The following PRPH2 variants were observed in gnomAD, a reference collection of about 807,000 sequenced individuals.
The protein encoded by PRPH2 is peripherin 2.
PRPH2 carries 17 observed loss-of-function variants against 31.3 expected under a neutral mutation model. The ratio of observed to expected loss-of-function variants is 0.54; its 90% confidence interval spans 0.37 to 0.81. PRPH2 has a LOEUF of 0.81. Ranked by LOEUF, PRPH2 falls within the 40% of genes least tolerant of loss-of-function variation. PRPH2 has a pLI of 0.00. For synonymous variants in PRPH2, 165 were observed against 184.4 expected (o/e 0.89, Z 0.85); for missense variants, 430 against 439.7 (o/e 0.98, Z 0.20).
At chr6:42,711,869 T>C in intron 1 of PRPH2, 1 of 985,350 alleles carries the variant, frequency 1.0e-6, no homozygotes, top group Non-Finnish European at 1.2e-6. Flanking sequence ...AGTTCCTGGT[T>C]CCAAAATGTC....
Position 42,698,034 on chromosome 6 carries a change from G to A in PRPH2, c.*261C>T. 1 of 510,996 alleles carries A rather than the reference G, an allele frequency of 2.0e-6. No homozygotes were observed. The highest frequency in any genetic ancestry group is 2.1e-5 in the South Asian group (1 of 46,708). 31.7% of individuals were successfully genotyped at this position (510,996 alleles called of 1,614,324 possible). On this transcript the variant is annotated 3_prime_UTR_variant, in exon 3 of 3. Transcript: ENST00000230381. ...AGACAGCCCCCGAGTCACCAGGAGG[G>A]CATATCCTAGGGCAGCGGGCCTGAA...
intron 1 of PRPH2, among the ~76,000 whole-genome samples, chr6:42,719,255 G>A (rs1174332905): frequency 5.4e-5 from 8 of 147,542 alleles, no homozygotes; most frequent in Admixed American, 2.8e-4. Context: ...TGCAACCCCC[G>A]CCTCCCTGCT....
At chr6:42,706,177 G>A (rs1262947271) in intron 1 of PRPH2, among the ~76,000 whole-genome samples, 5 of 150,438 alleles carry the variant, frequency 3.3e-5, no homozygotes, top group Admixed American at 1.3e-4. Flanking sequence ...AGGCTGAGGC[G>A]GGTGGATCAC....
At chr6:42,705,008 A>G (rs1193430697) in intron 1 of PRPH2, among the ~76,000 whole-genome samples, 2 of 152,090 alleles carry the variant, frequency 1.3e-5, no homozygotes, top group Non-Finnish European at 2.9e-5. Context: ...CACCAACCTC[A>G]TCTCCCCCTT....
chr6:42,719,319 G>GTA (rs1761852726), intron 1 of PRPH2, among the ~76,000 whole-genome samples: 1 of 151,822 alleles, frequency 6.6e-6, no homozygotes, highest in Admixed American at 6.6e-5. Context: ...TGAGATTACA[G>GTA]GCATGCCACC....
intron 1 of PRPH2, among the ~76,000 whole-genome samples, chr6:42,710,597 G>A (rs1203604902): frequency 6.6e-6 from 1 of 152,164 alleles, no homozygotes; most frequent in East Asian, 1.9e-4. Context: ...ATCACAGCGT[G>A]TTTCCCAGGC....
In PRPH2 at chr6:42,722,135, A is replaced by G; in HGVS notation, c.200T>C (p.Met67Thr). The change falls in exon 1 of 3, where the codon ATG (methionine) becomes ACG (threonine). Residue 67 changes from methionine to threonine, a missense_variant. Met to Thr is a moderately conservative substitution (Grantham distance 81). Coordinates refer to ENST00000230381, the MANE Select transcript of PRPH2 (RefSeq NM_000322.5). This position sits in a 1 kb window ranked among gnomAD's most constrained non-coding sequence, Gnocchi z 4.4. ...SHFVPNSLIGMGVLSCVFNSL... is the reference protein window; with the variant it reads ...SHFVPNSLIGTGVLSCVFNSL... ...GTTGAAGACACAGGATAGCACCCCC[A>G]TCCCTATCAATGAGTTGGGCACAAA... 3.1e-6 allele frequency: 5 copies of G among 1,614,176 alleles called. No individual in the cohort carries two copies. In the South Asian group the frequency reaches 5.5e-5, roughly 18 times the overall value.
At chr6:42,705,797 A>G (rs1800152956) in intron 1 of PRPH2, among the ~76,000 whole-genome samples, 1 of 149,914 alleles carries the variant, frequency 6.7e-6, no homozygotes, top group African/African-American at 2.4e-5. Flanking sequence ...CGTCTCTACT[A>G]AAAATACAAA....
intron 2 of PRPH2, among the ~76,000 whole-genome samples, chr6:42,704,029 G>T (rs1176263585): frequency 1.3e-5 from 2 of 152,012 alleles, no homozygotes; most frequent in African/African-American, 4.8e-5. Flanking sequence ...GAACCCAGGA[G>T]AGGGAGGTTG....
At chr6:42,720,105 T>C (rs889142782) in intron 1 of PRPH2, among the ~76,000 whole-genome samples, 2 of 152,152 alleles carry the variant, frequency 1.3e-5, no homozygotes, top group Non-Finnish European at 2.9e-5. Flanking sequence ...AACAAGTTGG[T>C]ATGGGACATT....
At chr6:42,704,296 G>GC in intron 2 of PRPH2, 69 bp downstream of exon 2, 1 of 1,559,034 alleles carries the variant, frequency 6.4e-7, no homozygotes, top group Non-Finnish European at 8.7e-7. Flanking sequence ...GCCTGGCTCC[G>GC]CCCCCATTAG....
At chr6:42,720,099 A>C (rs1050093312) in intron 1 of PRPH2, among the ~76,000 whole-genome samples, 1 of 152,102 alleles carries the variant, frequency 6.6e-6, no homozygotes, top group African/African-American at 2.4e-5. Flanking sequence ...CCCACCAACA[A>C]GTTGGTATGG....
chr6:42,698,399 GC>G lies in PRPH2; in HGVS notation c.936del (p.Pro313ArgfsTer11). 6.2e-7 allele frequency: 1 copy of G among 1,613,842 alleles called. No homozygotes were observed. The highest frequency in any genetic ancestry group is 1.6e-4 in the Middle Eastern group (1 of 6,062). On this transcript the variant is annotated frameshift_variant, in exon 3 of 3. Transcript: ENST00000230381. LOFTEE classifies it high-confidence loss of function. Reference protein sequence around the residue: ...ESQGWLLERSVPETWKAFLES... With the variant: ...ESQGWLLERSXPETWKAFLES... Reference sequence around the variant, plus strand: ...TCCAGAAAGGCCTTCCAGGTCTCCGGCACGCTCCTCTCCAGCAGCCAGCCCT... The same window carrying G: ...TCCAGAAAGGCCTTCCAGGTCTCCGGACGCTCCTCTCCAGCAGCCAGCCCT...
At chr6:42,711,616 G>A (rs932605238) in intron 1 of PRPH2, among the ~76,000 whole-genome samples, 5 of 152,146 alleles carry the variant, frequency 3.3e-5, no homozygotes, top group Non-Finnish European at 7.4e-5. Flanking sequence ...ACATAGCCCA[G>A]CCCTCAGGAA....
chr6:42,709,347 A>AAAAAAAAAAC (rs1425989700), intron 1 of PRPH2, among the ~76,000 whole-genome samples: 1 of 149,322 alleles, frequency 6.7e-6, no homozygotes, highest in Non-Finnish European at 1.5e-5. Context: ...AAAAAAAAAA[A>AAAAAAAAAAC]AAAAAAAACT....
intron 1 of PRPH2, among the ~76,000 whole-genome samples, chr6:42,716,398 T>TA (rs1018695490): frequency 4.3e-4 from 64 of 150,548 alleles, no homozygotes; most frequent in African/African-American, 1.3e-3. Context: ...TATCTCTATT[T>TA]TTTTTTTTTA....
At chr6:42,719,674 G>A (rs542672466) in intron 1 of PRPH2, among the ~76,000 whole-genome samples, 5 of 146,408 alleles carry the variant, frequency 3.4e-5, no homozygotes, top group Non-Finnish European at 7.5e-5. Context: ...TGGTTCAAGC[G>A]TTCTCCCGCC....
chr6:42,709,684 C>T (rs1007115226), intron 1 of PRPH2, among the ~76,000 whole-genome samples: 7 of 152,106 alleles, frequency 4.6e-5, no homozygotes, highest in African/African-American at 9.7e-5. Flanking sequence ...GGATGGGAGC[C>T]GTTGATGGAC....
Position 42,722,482 on chromosome 6 carries a change from C to G in PRPH2, c.-148G>C. 1 of 1,513,420 alleles carries G rather than the reference C, an allele frequency of 6.6e-7. No homozygotes were observed. The highest frequency in any genetic ancestry group is 8.8e-7 in the Non-Finnish European group (1 of 1,136,202). 93.7% of individuals were successfully genotyped at this position (1,513,420 alleles called of 1,614,324 possible). ...GCCCTGGGGGCTACCCATGTCGAGT[C>G]CCACTAGCCTGGGATCCCCGTGAAT... On this transcript the variant is annotated 5_prime_UTR_variant, in exon 1 of 3. Transcript: ENST00000230381. This position sits in a 1 kb window ranked among gnomAD's most constrained non-coding sequence, Gnocchi z 4.4.
Sources: gnomAD v4.1 joint callset for allele counts (sites outside exome capture counted in the v4.1 genomes callset) on GRCh38, gnomAD v4.1.1 for gene constraint, Gnocchi (gnomAD v3.1) non-coding constraint, MANE v1.5 for transcripts, NCBI Gene and HGNC (gene_info 2026-07-23, HGNC 2026-07-21) for gene names.